The following MFHAS1 variants were observed in gnomAD, a reference collection of about 807,000 sequenced individuals.
MFHAS1 encodes multifunctional ROCO family signaling regulator 1, also known as malignant fibrous histiocytoma-amplified sequence 1.
A neutral mutation model predicts 70.4 loss-of-function variants in MFHAS1; 50 were observed. The observed-to-expected ratio is 0.71, with a 90% confidence interval of 0.57 to 0.90. The LOEUF (loss-of-function observed/expected upper bound fraction) is 0.90. MFHAS1 is among the 40% of genes least tolerant of loss of function. MFHAS1 has a pLI of 0.00. For synonymous variants in MFHAS1, 952 were observed against 620.0 expected (o/e 1.54, Z -7.96); for missense variants, 1,795 against 1,347.6 (o/e 1.33, Z -5.20).
intron 1 of MFHAS1, among the ~76,000 whole-genome samples, chr8:8,877,926 A>G (rs1170844427): frequency 6.6e-6 from 1 of 152,208 alleles, no homozygotes; most frequent in Non-Finnish European, 1.5e-5. Flanking sequence ...GTGCCCACAC[A>G]TGCCCACCCC....
chr8:8,823,626 G>A (rs946283830), intron 1 of MFHAS1, among the ~76,000 whole-genome samples: 3 of 151,118 alleles, frequency 2.0e-5, no homozygotes, highest in African/African-American at 2.4e-5. Context: ...TAGAACAATC[G>A]CCTAAATAGG....
chr8:8,888,916 G>A (rs967217536), intron 1 of MFHAS1, among the ~76,000 whole-genome samples: 1 of 151,026 alleles, frequency 6.6e-6, no homozygotes, highest in Non-Finnish European at 1.5e-5. Context: ...GGTGGGAGAT[G>A]TTGACGTTGG....
At chr8:8,852,840 CATT>C (rs764991264) in intron 1 of MFHAS1, among the ~76,000 whole-genome samples, 7 of 152,192 alleles carry the variant, frequency 4.6e-5, no homozygotes, top group Non-Finnish European at 8.8e-5. Flanking sequence ...ATTAGGCTAT[CATT>C]GTTGTTAGCC....
chr8:8,835,204 T>C (rs1052908909), intron 1 of MFHAS1, among the ~76,000 whole-genome samples: 2 of 152,144 alleles, frequency 1.3e-5, no homozygotes, highest in Admixed American at 6.5e-5. Context: ...GCTCTCTATC[T>C]TGATTGGGAG....
intron 1 of MFHAS1, among the ~76,000 whole-genome samples, chr8:8,871,158 G>A (rs891308656): frequency 6.6e-6 from 1 of 152,092 alleles, no homozygotes; most frequent in Non-Finnish European, 1.5e-5. Flanking sequence ...GTGTGCCCCT[G>A]GCCATATGAC....
At chr8:8,803,707 C>G (rs1037103269) in intron 1 of MFHAS1, among the ~76,000 whole-genome samples, 1 of 151,802 alleles carries the variant, frequency 6.6e-6, no homozygotes, top group Non-Finnish European at 1.5e-5. Flanking sequence ...AGCAGTGGCT[C>G]ACACCTGTAA....
At chr8:8,865,955 C>T (rs904893601) in intron 1 of MFHAS1, among the ~76,000 whole-genome samples, 3 of 152,194 alleles carry the variant, frequency 2.0e-5, no homozygotes, top group African/African-American at 7.2e-5. Context: ...GCGGCTTGGC[C>T]TACTCTCCTG....
rs541537426 is a variant in MFHAS1, at chr8:8,863,598, T to G, written c.2998+26463A>C. ...CCTTAGATTTTTCCAGACCATATCATTAAAATGTTTCTAACCTCTGTTTTG... is the reference window on the plus strand; with the variant it reads ...CCTTAGATTTTTCCAGACCATATCAGTAAAATGTTTCTAACCTCTGTTTTG... On this transcript the variant is annotated intron_variant, in intron 1 of 2. Transcript: ENST00000276282. 7.9e-5 allele frequency among the ~76,000 whole-genome samples: 12 copies of G among 152,322 alleles called. No individual in the cohort carries two copies. In the South Asian group the frequency reaches 2.5e-3, roughly 32 times the overall value.
chr8:8,824,516 C>T (rs549714927), intron 1 of MFHAS1, among the ~76,000 whole-genome samples: 11 of 128,922 alleles, frequency 8.5e-5, no homozygotes, highest in African/African-American at 2.6e-4. Context: ...CTCTTTCTCT[C>T]TCTTTCACAC....
At chr8:8,807,958 C>G (rs1164180513) in intron 1 of MFHAS1, among the ~76,000 whole-genome samples, 3 of 152,224 alleles carry the variant, frequency 2.0e-5, no homozygotes, top group Non-Finnish European at 2.9e-5. Flanking sequence ...CGGCTACCAG[C>G]CATCAATCTG....
At position 8,892,081 on chromosome 8, in the gene MFHAS1, C is replaced by T. The variant is rs976325417; in HGVS notation, c.978G>A (p.Leu326=). The T allele has an allele frequency of 1.9e-6, 3 of 1,613,366 alleles. No homozygotes were observed. Among genetic ancestry groups the T allele is most frequent in the African/African-American group, 2.7e-5 (2 of 74,912 alleles). The change falls in exon 1 of 3, where the codon CTG becomes CTA. Residue 326 remains leucine (L), a synonymous_variant. Transcript: ENST00000276282. The surrounding 1 kb of genome is among the most constrained non-coding windows in gnomAD (Gnocchi z 4.7). ...SGLGRLLTLW[L]DNNRIRYLPD... is the part of the protein sequence containing the mutation. ...GCAGGTAGCGGATGCGGTTATTATC[C>T]AGCCACAAGGTGAGAAGCCGGCCCA... is the stretch of plus-strand genomic sequence containing the variant.
chr8:8,890,942 T>A lies in MFHAS1; in HGVS notation c.2117A>T (p.Tyr706Phe), dbSNP rs770639408. The stretch of plus-strand genomic sequence containing the variant: ...GAGTAGCTTGCCGCTCTCATGCAGG[T>A]AGGAGAGGGCACTCTGCAGTCGGTC... ...TEDRLQSALS[Y>F]LHESGKLLYF... The change falls in exon 1 of 3, where the codon TAC becomes TTC. Residue 706 changes from tyrosine (Y) to phenylalanine (F), a missense_variant. Transcript: ENST00000276282. 6.2e-7 allele frequency: 1 copy of A among 1,613,920 alleles called. No individual in the cohort carries two copies. The highest frequency in any genetic ancestry group is 1.1e-5 in the South Asian group (1 of 91,076).
chr8:8,805,747 G>C (rs895220603), intron 1 of MFHAS1, among the ~76,000 whole-genome samples: 1 of 152,244 alleles, frequency 6.6e-6, no homozygotes, highest in Admixed American at 6.5e-5. Flanking sequence ...GCCCAGGCTG[G>C]AGTGCAGTGG....
At chr8:8,831,360 G>A (rs1241773805) in intron 1 of MFHAS1, among the ~76,000 whole-genome samples, 1 of 151,962 alleles carries the variant, frequency 6.6e-6, no homozygotes, top group Non-Finnish European at 1.5e-5. Flanking sequence ...AATATGAGTA[G>A]AATAATGCAT....
At chr8:8,853,285 C>A (rs1172339948) in intron 1 of MFHAS1, among the ~76,000 whole-genome samples, 7 of 152,008 alleles carry the variant, frequency 4.6e-5, no homozygotes, top group African/African-American at 7.2e-5. Context: ...TCTAGTTCAA[C>A]AGGCGGCAAG....
At chr8:8,805,789 C>T (rs2117273124) in intron 1 of MFHAS1, among the ~76,000 whole-genome samples, 1 of 152,334 alleles carries the variant, frequency 6.6e-6, no homozygotes, top group East Asian at 1.9e-4. Context: ...CCTCCACCTT[C>T]CGGGTTCAAG....
At chr8:8,840,222 C>A (rs980035121) in intron 1 of MFHAS1, among the ~76,000 whole-genome samples, 1 of 152,058 alleles carries the variant, frequency 6.6e-6, no homozygotes, top group Non-Finnish European at 1.5e-5. Context: ...TTTGGGAGGC[C>A]GAAGCGGGCA....
chr8:8,889,201 C>T (rs1436575606), intron 1 of MFHAS1, among the ~76,000 whole-genome samples: 2 of 152,162 alleles, frequency 1.3e-5, no homozygotes, highest in East Asian at 3.9e-4. Context: ...CAGAAAGCTT[C>T]ATTTGCTTAA....
chr8:8,851,378 A>G (rs1240021293), intron 1 of MFHAS1, among the ~76,000 whole-genome samples: 1 of 152,240 alleles, frequency 6.6e-6, no homozygotes, highest in African/African-American at 2.4e-5. Flanking sequence ...TTGCACAAAC[A>G]TAAAACAAAC....
Sources: allele counts gnomAD v4.1 joint callset (sites outside exome capture counted in the v4.1 genomes callset), GRCh38; gene constraint gnomAD v4.1.1; non-coding constraint Gnocchi (gnomAD v3.1); transcripts MANE v1.5; gene names NCBI Gene and HGNC (gene_info 2026-07-23, HGNC 2026-07-21).